The following PCDHA4 variants were observed in gnomAD, a reference collection of about 807,000 sequenced individuals.
The protein encoded by PCDHA4 is protocadherin alpha 4.
In PCDHA4, 49 loss-of-function variants were observed where a neutral mutation model predicts 61.4. The observed-to-expected ratio is 0.80, with a 90% CI of 0.63 to 1.01. PCDHA4 has a LOEUF of 1.01. Among genes scored for constraint, PCDHA4 ranks in the 50% least tolerant of loss-of-function variants. The probability of loss-of-function intolerance (pLI) is 0.00; values close to 1 mark genes in which losing one functional copy is unlikely to be tolerated. For missense variants in PCDHA4, 1,254 were observed against 1,235.8 expected (o/e 1.01, Z -0.22); for synonymous variants, 590 against 550.3 (o/e 1.07, Z -1.01).
intron 1 of PCDHA4, chr5:140,842,103 T>C: frequency 6.2e-7 from 1 of 1,613,846 alleles, no homozygotes; most frequent in Non-Finnish European, 8.5e-7. Flanking sequence ...GGAACAACAG[T>C]TATCAAACTG....
At chr5:140,858,433 G>A in intron 1 of PCDHA4, 3 of 1,545,478 alleles carry the variant, frequency 1.9e-6, no homozygotes, top group Non-Finnish European at 2.6e-6. Flanking sequence ...ACCACTCTAG[G>A]AAGGTGGGTT....
chr5:140,871,525 A>T, intron 1 of PCDHA4: 1 of 1,546,090 alleles, frequency 6.5e-7, no homozygotes, highest in Non-Finnish European at 8.7e-7. Flanking sequence ...ACCTATCAGG[A>T]AGTGTATGTG....
chr5:140,853,310 T>C lies in PCDHA4; in HGVS notation c.2385+43738T>C, dbSNP rs2042704013. On this transcript the variant is annotated intron_variant, in intron 1 of 3. Coordinates refer to ENST00000530339, the MANE Select transcript of PCDHA4 (RefSeq NM_018907.4). ...ATTCTCAGAAGGGCTGTGAACACCT[T>C]AGTAATAAATTTATCTTTTGAGGTC... The C allele has an allele frequency of 3.0e-6, 3 of 983,796 alleles. 1 individual carries two copies. The highest frequency in any genetic ancestry group is 3.7e-6 in the Non-Finnish European group (3 of 816,256). 60.9% of individuals were successfully genotyped at this position (983,796 alleles called of 1,614,324 possible). A position where few individuals can be genotyped will look rare whatever the true frequency, so the allele number is the denominator to read the frequency against.
chr5:141,001,936 C>A (rs1440677153), intron 3 of PCDHA4, among the ~76,000 whole-genome samples: 3 of 151,788 alleles, frequency 2.0e-5, no homozygotes, highest in Non-Finnish European at 2.9e-5. Context: ...GGGTGGTGAG[C>A]GGAAATAAGG....
At chr5:140,824,083 G>GC (rs1767992835) in intron 1 of PCDHA4, 3 of 1,614,188 alleles carry the variant, frequency 1.9e-6, no homozygotes, top group Non-Finnish European at 2.5e-6. Flanking sequence ...AGACCTCATG[G>GC]CCTTCAGTCC....
intron 1 of PCDHA4, among the ~76,000 whole-genome samples, chr5:140,854,875 T>A (rs2150323966): frequency 6.7e-6 from 1 of 150,054 alleles, no homozygotes; most frequent in African/African-American, 2.4e-5. Context: ...CAGAACTGTG[T>A]CTTTTGGGCA....
At chr5:140,955,623 T>C (rs2095210763) in intron 1 of PCDHA4, among the ~76,000 whole-genome samples, 1 of 152,208 alleles carries the variant, frequency 6.6e-6, no homozygotes, top group Non-Finnish European at 1.5e-5. Context: ...GGCAGTTCTT[T>C]ATAGCAGTGT....
At chr5:140,984,643 C>G (rs1300632981) in intron 3 of PCDHA4, among the ~76,000 whole-genome samples, 3 of 152,152 alleles carry the variant, frequency 2.0e-5, no homozygotes, top group Non-Finnish European at 4.4e-5. Context: ...TCTGCCTTCT[C>G]CCTGTCCTTC....
At chr5:140,839,997 G>A (rs2150302530) in intron 1 of PCDHA4, among the ~76,000 whole-genome samples, 10 of 152,064 alleles carry the variant, frequency 6.6e-5, no homozygotes, top group Non-Finnish European at 1.5e-4. Context: ...GTTAGCCTTA[G>A]CACTGAGAAG....
At chr5:140,830,182 C>G (rs2150182524) in intron 1 of PCDHA4, 11 of 1,613,538 alleles carry the variant, frequency 6.8e-6, no homozygotes, top group Non-Finnish European at 8.5e-6. Flanking sequence ...TGGATGTCAA[C>G]GTGTACCTGA....
chr5:140,961,985 G>A (rs782724308), intron 1 of PCDHA4, among the ~76,000 whole-genome samples: 30 of 151,692 alleles, frequency 2.0e-4, no homozygotes, highest in Non-Finnish European at 4.0e-4. Context: ...CTGGGTTCAC[G>A]CCATTGTCCT....
chr5:140,901,588 T>A (rs1245761513), intron 1 of PCDHA4, among the ~76,000 whole-genome samples: 1 of 152,176 alleles, frequency 6.6e-6, no homozygotes, highest in Non-Finnish European at 1.5e-5. Flanking sequence ...TGCCATGATG[T>A]TTTGGTTACT....
intron 1 of PCDHA4, chr5:140,858,165 C>T: frequency 6.3e-7 from 1 of 1,597,786 alleles, no homozygotes; most frequent in Non-Finnish European, 8.6e-7. Context: ...TGCGCGGTGT[C>T]CAGCTTGCTG....
rs782636671 is a variant in PCDHA4 at position 140,808,540 on chromosome 5, C to T, written c.1353C>T (p.Asn451=). 75 of 1,614,030 alleles carry T rather than the reference C, an allele frequency of 4.6e-5. No homozygotes were observed. Among genetic ancestry groups the T allele is most frequent in the Non-Finnish European group, 5.6e-5 (66 of 1,180,048 alleles). The change falls in exon 1 of 4, where the codon AAC becomes AAT. Residue 451 remains asparagine (N), a synonymous_variant. Coordinates refer to ENST00000530339, the MANE Select transcript of PCDHA4 (RefSeq NM_018907.4). ...VSVEVADVND[N]APAFAQPEYT... ...TGGAGGTGGCTGATGTGAACGACAA[C>T]GCTCCGGCGTTCGCGCAGCCCGAGT...
intron 1 of PCDHA4, among the ~76,000 whole-genome samples, chr5:140,831,441 C>T (rs2150194454): frequency 8.6e-5 from 13 of 151,182 alleles, no homozygotes; most frequent in Non-Finnish European, 1.8e-4. Flanking sequence ...CTCACTGCAC[C>T]CTCGAATGCC....
chr5:140,924,665 C>A (rs528625954), intron 1 of PCDHA4, among the ~76,000 whole-genome samples: 3 of 152,050 alleles, frequency 2.0e-5, no homozygotes, highest in Non-Finnish European at 4.4e-5. Flanking sequence ...GAGGCCGAGG[C>A]AGGCCAATCA....
intron 1 of PCDHA4, chr5:140,836,622 A>AGCTGGTCATTCTCCCAGCAGAGGCG (rs2150266108): frequency 1.2e-6 from 2 of 1,613,448 alleles, no homozygotes; most frequent in Non-Finnish European, 1.7e-6. Context: ...CGCGGTGGGG[A>AGCTGGTCATTCTCCCAGCAGAGGCG]GCTGGTCATT....
chr5:140,918,517 G>A (rs2078735105), intron 1 of PCDHA4, among the ~76,000 whole-genome samples: 1 of 152,134 alleles, frequency 6.6e-6, no homozygotes, highest in South Asian at 2.1e-4. Flanking sequence ...TAAACTTATT[G>A]AGGATTGTTT....
chr5:140,822,593 A>G (rs2150117634), intron 1 of PCDHA4: 1 of 1,611,374 alleles, frequency 6.2e-7, no homozygotes, highest in East Asian at 2.2e-5. Flanking sequence ...GAGGGCATCA[A>G]TAAGGAAATA....
Sources: gnomAD v4.1 joint callset for allele counts (sites outside exome capture counted in the v4.1 genomes callset) on GRCh38, gnomAD v4.1.1 for gene constraint, MANE v1.5 for transcripts, NCBI Gene and HGNC (gene_info 2026-07-23, HGNC 2026-07-21) for gene names.